Variants in FHIT observed in about 807,000 individuals in gnomAD.
FHIT encodes fragile histidine triad diadenosine triphosphatase.
In FHIT, 19 loss-of-function variants were observed where a neutral mutation model predicts 17.9. The ratio of observed to expected loss-of-function variants is 1.06; its 90% CI spans 0.74 to 1.56. The LOEUF is 1.56. FHIT is among the 40% of genes most tolerant of loss of function. The pLI is 0.00. For missense variants in FHIT, 248 were observed against 189.2 expected, an observed-to-expected ratio of 1.31 and a Z score of -1.82; for synonymous variants, 81 against 69.7, an observed-to-expected ratio of 1.16 and a Z score of -0.81.
At chr3:59,904,799 G>A (rs553753295) in intron 8 of FHIT, among the ~76,000 whole-genome samples, 110 of 152,318 alleles carry the variant, frequency 7.2e-4, no homozygotes, top group African/African-American at 2.5e-3. Flanking sequence ...CTACCTGAAG[G>A]TGAGAAAGTT....
At chr3:60,425,124 C>G (rs1247191276) in intron 5 of FHIT, among the ~76,000 whole-genome samples, 4 of 151,990 alleles carry the variant, frequency 2.6e-5, no homozygotes, top group East Asian at 1.9e-4. Context: ...TGCAACACAT[C>G]CCTATCAGGA....
At chr3:59,965,325 T>C (rs1707876084) in intron 7 of FHIT, among the ~76,000 whole-genome samples, 1 of 152,114 alleles carries the variant, frequency 6.6e-6, no homozygotes. Context: ...TTTAAACACA[T>C]GCATATATAT....
chr3:60,689,536 C>A (rs1398441086), intron 4 of FHIT, among the ~76,000 whole-genome samples: 1 of 152,128 alleles, frequency 6.6e-6, no homozygotes, highest in Non-Finnish European at 1.5e-5. Context: ...TGGAAGCAAT[C>A]CTTCACAGAT....
chr3:60,952,809 T>C (rs1389843443), intron 3 of FHIT, among the ~76,000 whole-genome samples: 1 of 152,218 alleles, frequency 6.6e-6, no homozygotes, highest in Non-Finnish European at 1.5e-5. Flanking sequence ...ATAATTCTTA[T>C]CTTCCTTTAG....
chr3:60,406,767 C>G (rs1462365804), intron 5 of FHIT, among the ~76,000 whole-genome samples: 1 of 152,010 alleles, frequency 6.6e-6, no homozygotes, highest in Non-Finnish European at 1.5e-5. Flanking sequence ...AATAGTATCC[C>G]AAAACCTTCT....
At chr3:59,999,108 C>T (rs1699628742) in intron 7 of FHIT, among the ~76,000 whole-genome samples, 1 of 151,984 alleles carries the variant, frequency 6.6e-6, no homozygotes, top group African/African-American at 2.4e-5. Flanking sequence ...GTCCCTGACT[C>T]GGGTTTTCTC....
intron 8 of FHIT, among the ~76,000 whole-genome samples, chr3:59,863,987 C>G (rs1702520510): frequency 6.6e-6 from 1 of 152,128 alleles, no homozygotes; most frequent in African/African-American, 2.4e-5. Context: ...TGAAGGAAAA[C>G]AGATATGATC....
At chr3:60,604,081 C>A (rs2038530372) in intron 4 of FHIT, among the ~76,000 whole-genome samples, 1 of 152,094 alleles carries the variant, frequency 6.6e-6, no homozygotes. Flanking sequence ...GTAGGAAGTA[C>A]TTATAGCAAT....
In FHIT at chr3:59,938,348, A is replaced by C. The variant is rs183534456; in HGVS notation, c.280-15934T>G. 2.7e-3 allele frequency among the ~76,000 whole-genome samples: 412 copies of C among 152,292 alleles called. 2 individuals are homozygous for C. Among genetic ancestry groups the C allele is most frequent in the South Asian group, 9.1e-3 (44 of 4,826 alleles). On this transcript the variant is annotated intron_variant, in intron 7 of 9. Transcript: ENST00000492590. ...TACTTAAATGTGGAATCTTAAAGTA[A>C]AATATATAGAGATAGAGAATAAAAC... is the stretch of plus-strand genomic sequence containing the variant.
At chr3:60,558,934 C>T (rs79068372) in intron 4 of FHIT, among the ~76,000 whole-genome samples, 418 of 152,276 alleles carry the variant, frequency 2.7e-3, no homozygotes, top group African/African-American at 9.4e-3. Flanking sequence ...TGTGATAATA[C>T]GTGTATCTTC....
chr3:60,000,765 T>G (rs182942448), intron 7 of FHIT, among the ~76,000 whole-genome samples: 12 of 152,096 alleles, frequency 7.9e-5, no homozygotes, highest in Non-Finnish European at 1.2e-4. Flanking sequence ...CTGAGTATCA[T>G]CAAAACATCA....
chr3:60,171,729 T>G (rs1701422135), intron 5 of FHIT, among the ~76,000 whole-genome samples: 1 of 152,176 alleles, frequency 6.6e-6, no homozygotes, highest in Admixed American at 6.5e-5. Flanking sequence ...GGAGACAGGA[T>G]CCTGTCCTGT....
intron 4 of FHIT, among the ~76,000 whole-genome samples, chr3:60,726,256 A>T (rs1468337955): frequency 6.6e-6 from 1 of 152,146 alleles, no homozygotes; most frequent in Non-Finnish European, 1.5e-5. Context: ...ACACTCCAAA[A>T]ATTGTATTAG....
chr3:60,785,497 C>T (rs1553726628), intron 4 of FHIT, among the ~76,000 whole-genome samples: 2 of 152,194 alleles, frequency 1.3e-5, no homozygotes, highest in African/African-American at 4.8e-5. Context: ...TAGCCATGGA[C>T]TTGCAGAGGG....
chr3:60,635,929 G>C (rs1291818345), intron 4 of FHIT, among the ~76,000 whole-genome samples: 1 of 152,000 alleles, frequency 6.6e-6, no homozygotes. Context: ...TAGCTCAAAG[G>C]GTCATACACA....
intron 5 of FHIT, among the ~76,000 whole-genome samples, chr3:60,077,686 T>TCA (rs35531886): frequency 0.19 from 21,095 of 109,924 alleles, 2,067 homozygotes; most frequent in Non-Finnish European, 0.24. Flanking sequence ...CGATTTTACT[T>TCA]CACACACACA....
chr3:60,120,968 T>C (rs1040455332), intron 5 of FHIT, among the ~76,000 whole-genome samples: 11 of 152,158 alleles, frequency 7.2e-5, no homozygotes, highest in Non-Finnish European at 1.2e-4. Flanking sequence ...TTTAAAAGGC[T>C]TTCTCCACAA....
intron 5 of FHIT, among the ~76,000 whole-genome samples, chr3:60,366,454 T>C (rs1700111277): frequency 6.6e-6 from 1 of 152,164 alleles, no homozygotes; most frequent in South Asian, 2.1e-4. Flanking sequence ...GCCATCTCAT[T>C]TGACCCTTGC....
intron 4 of FHIT, among the ~76,000 whole-genome samples, chr3:60,758,552 A>C (rs1427091227): frequency 1.3e-5 from 2 of 152,220 alleles, no homozygotes; most frequent in African/African-American, 2.4e-5. Context: ...TTCACCAAAG[A>C]GGTAAAATGC....
Sources: gnomAD v4.1 joint callset for allele counts (sites outside exome capture counted in the v4.1 genomes callset) on GRCh38, gnomAD v4.1.1 for gene constraint, MANE v1.5 for transcripts, NCBI Gene and HGNC (gene_info 2026-07-23, HGNC 2026-07-21) for gene names.